Variants in CABIN1 observed in about 807,000 individuals in gnomAD.
CABIN1 encodes the protein calcineurin binding protein 1.
CABIN1 carries 133 observed loss-of-function variants against 227.7 expected under a neutral mutation model. The ratio of observed to expected loss-of-function variants is 0.58; its 90% confidence interval spans 0.51 to 0.67. CABIN1 has a LOEUF of 0.67. Among genes scored for constraint, CABIN1 ranks in the 30% least tolerant of loss-of-function variants. CABIN1 has a pLI of 0.00. For synonymous variants in CABIN1, 1,086 were observed against 1,155.1 expected (o/e 0.94, Z 1.21); for missense variants, 2,408 against 2,852.5 (o/e 0.84, Z 3.55).
chr22:24,066,974 G>A lies in CABIN1; in HGVS notation c.2038-13G>A, dbSNP rs756624419. ...GGGTTTACCCTCATACAGCATTGCCGGGCCTTTTTCAGATTGATAAGAACC... is the reference window on the plus strand; with the variant it reads ...GGGTTTACCCTCATACAGCATTGCCAGGCCTTTTTCAGATTGATAAGAACC... On this transcript the variant is annotated splice_polypyrimidine_tract_variant and intron_variant, in intron 15 of 36. Transcript: ENST00000263119. The A allele has an allele frequency of 5.0e-6, 8 of 1,613,930 alleles. No homozygotes were observed. Among genetic ancestry groups the A allele is most frequent in the African/African-American group, 4.0e-5 (3 of 74,920 alleles).
chr22:24,167,377 T>C, intron 32 of CABIN1, 64 bp downstream of exon 32: 3 of 1,517,628 alleles, frequency 2.0e-6, no homozygotes, highest in Middle Eastern at 1.9e-4. Flanking sequence ...CTTGCCTTTC[T>C]ATCCTCAAGG....
In CABIN1 at chr22:24,147,921, G is replaced by A. The variant is rs117411217; in HGVS notation, c.4746+13506G>A. Among the ~76,000 whole-genome samples the A allele has an allele frequency of 6.6e-5, 10 of 152,270 alleles. No individual in the cohort carries two copies. In the East Asian group the frequency reaches 1.9e-3, roughly 29 times the overall value. ...AGCAAGGCTTTGGAAAGTAGACTGA[G>A]CAGGTGGCCCACTCACATTCAGGAA... On this transcript the variant is annotated intron_variant, in intron 29 of 36. Coordinates refer to ENST00000263119, the MANE Select transcript of CABIN1 (RefSeq NM_012295.4).
At chr22:24,022,158 T>C (rs942187922) in intron 1 of CABIN1, among the ~76,000 whole-genome samples, 1 of 152,198 alleles carries the variant, frequency 6.6e-6, no homozygotes, top group Non-Finnish European at 1.5e-5. Context: ...TTATTTGACC[T>C]TTTTTGGAGT....
chr22:24,038,246 A>G (rs2037076622), intron 3 of CABIN1, 102 bp from the exon 4 acceptor site: 3 of 861,052 alleles, frequency 3.5e-6, no homozygotes, highest in Non-Finnish European at 5.9e-6. Context: ...ATCTAATCAC[A>G]TGGTTGGTTC....
chr22:24,071,512 C>T (rs1197009158), intron 17 of CABIN1, among the ~76,000 whole-genome samples: 2 of 152,088 alleles, frequency 1.3e-5, no homozygotes, highest in Non-Finnish European at 2.9e-5. Flanking sequence ...CCTCAATTCC[C>T]GCTCAGGCCA....
intron 18 of CABIN1, among the ~76,000 whole-genome samples, chr22:24,075,657 A>T (rs1236370050): frequency 6.6e-5 from 10 of 151,836 alleles, no homozygotes; most frequent in African/African-American, 2.4e-4. Context: ...AGGCAGGAAG[A>T]TTGTGTGAGT....
chr22:24,042,758 T>A (rs1211418518), intron 5 of CABIN1, 146 bp from the exon 6 acceptor site: 3 of 721,570 alleles, frequency 4.2e-6, no homozygotes, highest in Non-Finnish European at 7.2e-6. Flanking sequence ...GAAGTTCAAG[T>A]GGCTGTGCCA....
At chr22:24,104,280 C>A (rs1244054588) in intron 26 of CABIN1, among the ~76,000 whole-genome samples, 1 of 152,198 alleles carries the variant, frequency 6.6e-6, no homozygotes, top group African/African-American at 2.4e-5. Flanking sequence ...AACTGCTTCG[C>A]TTCTTCTGGC....
chr22:24,064,512 GTTTTTTTTTTTTT>G (rs782268156), intron 15 of CABIN1, among the ~76,000 whole-genome samples: 1 of 106,900 alleles, frequency 9.4e-6, no homozygotes, highest in Non-Finnish European at 1.8e-5. Flanking sequence ...CAGCTGAAAG[GTTTTTTTTTTTTT>G]TTTTTTTTTT....
chr22:24,058,738 T>G (rs1231661538), intron 10 of CABIN1, among the ~76,000 whole-genome samples: 1 of 152,238 alleles, frequency 6.6e-6, no homozygotes, highest in African/African-American at 2.4e-5. Flanking sequence ...TTGCAAGCCC[T>G]TCTCCTCCTC....
At chr22:24,057,409 C>T (rs931736157) in intron 10 of CABIN1, among the ~76,000 whole-genome samples, 4 of 152,174 alleles carry the variant, frequency 2.6e-5, no homozygotes, top group Non-Finnish European at 4.4e-5. Flanking sequence ...TCTTCATTTG[C>T]ACTGGGCCAT....
chr22:24,099,362 C>G (rs1216273683), intron 26 of CABIN1, among the ~76,000 whole-genome samples: 1 of 152,160 alleles, frequency 6.6e-6, no homozygotes, highest in Non-Finnish European at 1.5e-5. Flanking sequence ...CCTGCAGTGT[C>G]CCCTCCTGGG....
chr22:24,045,401 C>T (rs1028546806), intron 6 of CABIN1, among the ~76,000 whole-genome samples: 2 of 152,040 alleles, frequency 1.3e-5, no homozygotes, highest in Non-Finnish European at 2.9e-5. Flanking sequence ...ATCGCTTGAG[C>T]CCAGAAGTTC....
intron 29 of CABIN1, among the ~76,000 whole-genome samples, chr22:24,163,946 G>A (rs2046301731): frequency 6.6e-6 from 1 of 152,238 alleles, no homozygotes; most frequent in African/African-American, 2.4e-5. Flanking sequence ...GGCACTGCTG[G>A]AGAGAGTGGG....
At position 24,178,234 on chromosome 22, in the gene CABIN1, C is replaced by A; in HGVS notation, c.*38C>A. On this transcript the variant is annotated 3_prime_UTR_variant, in exon 37 of 37. Coordinates refer to ENST00000263119, the MANE Select transcript of CABIN1 (RefSeq NM_012295.4). The stretch of plus-strand genomic sequence containing the variant: ...GCCCCACCGCCACGCCCCAGGGGAC[C>A]AGCCAGGCCTGGAATGCCCCCTGGG... 6.2e-7 allele frequency: 1 copy of A among 1,611,330 alleles called. No homozygotes were observed.
chr22:24,155,441 C>T (rs545929690), intron 29 of CABIN1, among the ~76,000 whole-genome samples: 4 of 152,222 alleles, frequency 2.6e-5, no homozygotes, highest in African/African-American at 4.8e-5. Context: ...CCAACCCTAC[C>T]CCTCAAACCC....
chr22:24,054,775 C>A, intron 8 of CABIN1, 98 bp from the exon 9 acceptor site: 1 of 1,480,372 alleles, frequency 6.8e-7, no homozygotes, highest in Non-Finnish European at 9.4e-7. Context: ...GCTCCAGGAG[C>A]AGCTCTGCCG....
chr22:24,118,155 C>T (rs540124475), intron 27 of CABIN1, among the ~76,000 whole-genome samples: 91 of 151,808 alleles, frequency 6.0e-4, no homozygotes, highest in African/African-American at 2.0e-3. Flanking sequence ...CTGGGGGCAG[C>T]GATGCAGGGG....
Position 24,166,711 on chromosome 22 carries a change from G to A in CABIN1, c.5080G>A (p.Ala1694Thr), listed in dbSNP as rs774669681. 1 of 1,612,868 alleles carries A rather than the reference G, an allele frequency of 6.2e-7. No individual in the cohort carries two copies. Among genetic ancestry groups the A allele is most frequent in the Non-Finnish European group, 8.5e-7 (1 of 1,180,018 alleles). The change falls in exon 32 of 37, where the codon GCC becomes ACC. Residue 1694 changes from alanine to threonine, a missense_variant. Physicochemically the swap from Ala to Thr is moderately conservative, Grantham distance 58 (BLOSUM62 0). Transcript: ENST00000263119. ...GATGACCACCGATGTCTCACACAAG[G>A]CCAGTCCTGAGGATGGCCAGGAGGG... is the stretch of plus-strand genomic sequence containing the variant. ...ARMTTDVSHK[A>T]SPEDGQEGLP...
Sources: gnomAD v4.1 joint callset for allele counts (sites outside exome capture counted in the v4.1 genomes callset) on GRCh38, gnomAD v4.1.1 for gene constraint, MANE v1.5 for transcripts, NCBI Gene and HGNC (gene_info 2026-07-23, HGNC 2026-07-21) for gene names.